STK32B: variants seen among roughly 807,000 people sequenced by gnomAD.
STK32B encodes the protein serine/threonine kinase 32B, also known as serine/threonine-protein kinase 32B.
STK32B carries 43 observed loss-of-function variants against 52.6 expected under a neutral mutation model. The observed-to-expected ratio is 0.82, with a 90% CI of 0.64 to 1.05. The LOEUF (loss-of-function observed/expected upper bound fraction) is 1.05. Among genes scored for constraint, STK32B ranks in the 50% least tolerant of loss-of-function variants. STK32B has a pLI of 0.00. For missense variants in STK32B, 621 were observed against 534.6 expected, an observed-to-expected ratio of 1.16 and a Z score of -1.59; for synonymous variants, 238 against 204.3, an observed-to-expected ratio of 1.17 and a Z score of -1.41.
chr4:5,158,426 C>A (rs1319687466), intron 2 of STK32B, among the ~76,000 whole-genome samples: 1 of 152,098 alleles, frequency 6.6e-6, no homozygotes, highest in African/African-American at 2.4e-5. Context: ...CTCTTTGTTC[C>A]CCTCCACCTG....
At chr4:5,496,015 C>CGGGGGCA (rs1720209416) in intron 11 of STK32B, among the ~76,000 whole-genome samples, 1 of 152,186 alleles carries the variant, frequency 6.6e-6, no homozygotes, top group South Asian at 2.1e-4. Context: ...TTAGGCTGCT[C>CGGGGGCA]GGGGGCAGGG....
intron 3 of STK32B, among the ~76,000 whole-genome samples, chr4:5,290,708 A>G (rs957933331): frequency 6.6e-6 from 1 of 152,164 alleles, no homozygotes; most frequent in Non-Finnish European, 1.5e-5. Flanking sequence ...CAAAAGGAGT[A>G]TAAGACATTT....
At chr4:5,122,532 TTCAC>T (rs771758936) in intron 1 of STK32B, among the ~76,000 whole-genome samples, 2 of 151,258 alleles carry the variant, frequency 1.3e-5, no homozygotes, top group Non-Finnish European at 2.9e-5. Context: ...TGCTCCTTCG[TTCAC>T]TCATTCTTTT....
At chr4:5,217,128 C>T (rs1560232982) in intron 3 of STK32B, among the ~76,000 whole-genome samples, 1 of 152,182 alleles carries the variant, frequency 6.6e-6, no homozygotes, top group Non-Finnish European at 1.5e-5. Flanking sequence ...GCCAATTATG[C>T]ATTGCCTTGT....
the STK32B span, among the ~76,000 whole-genome samples, chr4:5,037,862 T>C: frequency 2.0e-5 from 3 of 152,200 alleles, no homozygotes; most frequent in African/African-American, 4.8e-5. Flanking sequence ...GGACCTGTTA[T>C]TCATTTCTGT....
chr4:5,365,470 A>G (rs6849812), intron 4 of STK32B, among the ~76,000 whole-genome samples: 7,435 of 152,098 alleles, frequency 0.049, 275 homozygotes, highest in African/African-American at 0.096. Flanking sequence ...ACTAAATATA[A>G]CCTCTTTTTA....
chr4:5,397,417 G>C (rs915979549), intron 4 of STK32B, among the ~76,000 whole-genome samples: 1 of 152,166 alleles, frequency 6.6e-6, no homozygotes, highest in Admixed American at 6.6e-5. Flanking sequence ...CGTAAAGAAA[G>C]CAAAGCCTCA....
chr4:5,349,897 G>A (rs753878392), intron 4 of STK32B, among the ~76,000 whole-genome samples: 10 of 152,046 alleles, frequency 6.6e-5, no homozygotes, highest in Non-Finnish European at 1.3e-4. Flanking sequence ...GAAAGAACTT[G>A]AAGACAGATC....
chr4:5,307,445 G>A (rs1729995486), intron 3 of STK32B, among the ~76,000 whole-genome samples: 1 of 151,476 alleles, frequency 6.6e-6, no homozygotes, highest in African/African-American at 2.4e-5. Context: ...ACTTTCCAGT[G>A]CATTTTGCAT....
intron 11 of STK32B, among the ~76,000 whole-genome samples, chr4:5,485,163 G>A (rs1383059694): frequency 6.6e-6 from 1 of 151,842 alleles, no homozygotes; most frequent in Non-Finnish European, 1.5e-5. Context: ...AAGTTCTCCT[G>A]GATAATATCC....
chr4:5,359,103 GT>G lies in STK32B; in HGVS notation c.434+27711del, dbSNP rs377402138. ...CCTTGAGTGCAAGGTTATTAAATGT[GT>G]GCTTTATCTTGTAATAATTGCCATA... On this transcript the variant is annotated intron_variant, in intron 4 of 11. Coordinates refer to ENST00000282908, the MANE Select transcript of STK32B (RefSeq NM_018401.3). Among the ~76,000 whole-genome samples, 83 of 152,310 alleles carry G rather than the reference GT, an allele frequency of 5.4e-4. 2 individuals are homozygous for G. The East Asian group carries it at 0.012, about 22-fold the overall frequency.
intron 5 of STK32B, among the ~76,000 whole-genome samples, chr4:5,408,099 C>T (rs1421311649): frequency 6.6e-6 from 1 of 152,148 alleles, no homozygotes; most frequent in Non-Finnish European, 1.5e-5. Context: ...AAACACATGT[C>T]TGTTGTTAAT....
intron 1 of STK32B, among the ~76,000 whole-genome samples, chr4:5,064,994 G>T (rs2108761968): frequency 6.6e-6 from 1 of 151,404 alleles, no homozygotes; most frequent in African/African-American, 2.4e-5. Flanking sequence ...TGCTTTTCTG[G>T]CTGTTCCTTC....
chr4:5,490,220 C>T (rs1445852946), intron 11 of STK32B, among the ~76,000 whole-genome samples: 2 of 151,942 alleles, frequency 1.3e-5, no homozygotes, highest in African/African-American at 4.8e-5. Context: ...AATTCTCCTG[C>T]CTCAGCCTCC....
At chr4:5,317,668 G>A (rs1213423075) in intron 3 of STK32B, among the ~76,000 whole-genome samples, 1 of 149,050 alleles carries the variant, frequency 6.7e-6, no homozygotes, top group Non-Finnish European at 1.5e-5. Flanking sequence ...GGATTCCAGG[G>A]AGGTCAGACA....
chr4:5,467,639 C>T lies in STK32B; in HGVS notation c.1042-367C>T, dbSNP rs1464374318. 3.9e-5 allele frequency among the ~76,000 whole-genome samples: 6 copies of T among 152,126 alleles called. No homozygotes were observed. Among genetic ancestry groups the T allele is most frequent in the African/African-American group, 9.7e-5 (4 of 41,424 alleles). On this transcript the variant is annotated intron_variant, in intron 10 of 11. Coordinates refer to ENST00000282908, the MANE Select transcript of STK32B (RefSeq NM_018401.3). The surrounding 1 kb of genome is among the most constrained non-coding windows in gnomAD (Gnocchi z 5.8). Reference sequence around the variant, plus strand: ...GGACACAATTCAACACACAACACCCCCCTCCCCTATGCAAGTGGAGCCCCT... The same window carrying T: ...GGACACAATTCAACACACAACACCCTCCTCCCCTATGCAAGTGGAGCCCCT...
intron 1 of STK32B, among the ~76,000 whole-genome samples, chr4:5,090,268 A>G (rs35666176): frequency 1.3e-5 from 2 of 151,302 alleles, no homozygotes; most frequent in Non-Finnish European, 1.5e-5. Context: ...TGGTATTTTC[A>G]TCATGAAGTC....
chr4:5,180,988 C>A (rs1577152111), intron 3 of STK32B, among the ~76,000 whole-genome samples: 1 of 152,054 alleles, frequency 6.6e-6, no homozygotes. Context: ...AAGCTGCACC[C>A]CAGAGAGTGA....
chr4:5,164,284 G>A (rs1038673535), intron 2 of STK32B, among the ~76,000 whole-genome samples: 3 of 152,094 alleles, frequency 2.0e-5, no homozygotes, highest in African/African-American at 7.2e-5. Flanking sequence ...GGCCAGCCTC[G>A]GCATTCCTTG....
Sources: gnomAD v4.1 joint callset for allele counts (sites outside exome capture counted in the v4.1 genomes callset) on GRCh38, gnomAD v4.1.1 for gene constraint, Gnocchi (gnomAD v3.1) non-coding constraint, MANE v1.5 for transcripts, NCBI Gene and HGNC (gene_info 2026-07-23, HGNC 2026-07-21) for gene names.